ADCK5: variants seen among roughly 807,000 people sequenced by gnomAD.
ADCK5 encodes uncharacterized aarF domain-containing protein kinase 5.
A neutral mutation model predicts 64.9 loss-of-function variants in ADCK5; 43 were observed. That is an observed-to-expected ratio of 0.66 (90% CI 0.52 to 0.85). ADCK5 has a LOEUF of 0.85. Ranked by LOEUF, ADCK5 falls within the 40% of genes least tolerant of loss-of-function variation. The probability of loss-of-function intolerance (pLI) is 0.00; values close to 1 mark genes in which losing one functional copy is unlikely to be tolerated. For missense variants in ADCK5, 760 were observed against 810.5 expected, an observed-to-expected ratio of 0.94 and a Z score of 0.76; for synonymous variants, 434 against 342.8, an observed-to-expected ratio of 1.27 and a Z score of -2.94.
chr8:144,383,945 T>C (rs1238901810), intron 3 of ADCK5, among the ~76,000 whole-genome samples: 2 of 134,850 alleles, frequency 1.5e-5, no homozygotes, highest in African/African-American at 5.6e-5. Context: ...CAGGCTGGAG[T>C]GCAGTGGCGC....
chr8:144,392,779 T>G lies in ADCK5; in HGVS notation c.1524T>G (p.Ala508=). The change falls in exon 14 of 15, where the codon GCT becomes GCG. Residue 508 remains alanine (A), a synonymous_variant. Coordinates refer to ENST00000308860, the MANE Select transcript of ADCK5 (RefSeq NM_174922.5). ...VDRYFLMAKR[A]VRGWSRLAGA... is the part of the protein sequence containing the mutation. The stretch of plus-strand genomic sequence containing the variant: ...GCGCTAACGCGGGTGTGTGCAGGGC[T>G]GTCCGGGGCTGGAGCCGCCTGGCGG... 1.9e-6 allele frequency: 3 copies of G among 1,592,658 alleles called. No homozygotes were observed. Among genetic ancestry groups the G allele is most frequent in the Non-Finnish European group, 2.6e-6 (3 of 1,173,548 alleles).
chr8:144,381,607 C>A (rs1366107508), intron 2 of ADCK5, among the ~76,000 whole-genome samples: 31 of 56,662 alleles, frequency 5.5e-4, no homozygotes, highest in East Asian at 1.7e-3. Flanking sequence ...CAGATGTGTG[C>A]TCAGGCACCT....
intron 10 of ADCK5, 35 bp downstream of exon 10, chr8:144,392,057 T>C: frequency 6.2e-7 from 1 of 1,611,634 alleles, no homozygotes; most frequent in Non-Finnish European, 8.5e-7. Context: ...GGTCTCAGGG[T>C]GGGCGCAGCG....
Position 144,392,765 on chromosome 8 carries a change from G to A in ADCK5, c.1521-11G>A. The A allele has an allele frequency of 6.3e-7, 1 of 1,587,146 alleles. No individual in the cohort carries two copies. The highest frequency in any genetic ancestry group is 8.6e-7 in the Non-Finnish European group (1 of 1,168,628). On this transcript the variant is annotated splice_polypyrimidine_tract_variant and intron_variant, in intron 13 of 14. Coordinates refer to ENST00000308860, the MANE Select transcript of ADCK5 (RefSeq NM_174922.5). Reference sequence around the variant, plus strand: ...GTGGGGCTGACGCGGCGCTAACGCGGGTGTGTGCAGGGCTGTCCGGGGCTG... The same window carrying A: ...GTGGGGCTGACGCGGCGCTAACGCGAGTGTGTGCAGGGCTGTCCGGGGCTG...
intron 2 of ADCK5, among the ~76,000 whole-genome samples, chr8:144,382,615 G>A (rs1239783818): frequency 1.3e-5 from 2 of 152,238 alleles, no homozygotes; most frequent in African/African-American, 2.4e-5. Context: ...GGCAAGCTCT[G>A]TTTCTTGCTC....
rs781975682 is a variant in ADCK5, at chr8:144,391,647, C to T, written c.866C>T (p.Ala289Val). 26 of 1,550,306 alleles carry T rather than the reference C, an allele frequency of 1.7e-5. No individual in the cohort carries two copies. Among genetic ancestry groups the T allele is most frequent in the South Asian group, 1.2e-5 (1 of 84,872 alleles). ...ENEGRNAERC[A>V]RELAHFPYVV... ...GAGGGCCGCAACGCAGAGCGCTGTGCGCGGGAGCTGGCGCACTTCCCCTAC... is the reference window on the plus strand; with the variant it reads ...GAGGGCCGCAACGCAGAGCGCTGTGTGCGGGAGCTGGCGCACTTCCCCTAC... Residue 289 changes from alanine (A) to valine (V), a missense_variant, in exon 8 of 15, where the codon GCG (alanine) becomes GTG (valine). Around this residue, in one of 2 missense-constraint regions of ADCK5, gnomAD observed 427 missense variants for 518.4 expected, o/e 0.82. Transcript: ENST00000308860.
At chr8:144,378,222 T>C (rs1819451914) in intron 1 of ADCK5, among the ~76,000 whole-genome samples, 2 of 152,210 alleles carry the variant, frequency 1.3e-5, no homozygotes, top group African/African-American at 4.8e-5. Flanking sequence ...CCTGGCATGA[T>C]CCCAGCGGTG....
intron 3 of ADCK5, among the ~76,000 whole-genome samples, chr8:144,386,460 C>T (rs1461155412): frequency 1.3e-5 from 2 of 151,902 alleles, no homozygotes; most frequent in Admixed American, 1.3e-4. Context: ...CGGGTTCAAG[C>T]GATTCTCCTG....
upstream of ADCK5, chr8:144,373,814 C>G: frequency 2.8e-6 from 1 of 361,028 alleles, no homozygotes; most frequent in Non-Finnish European, 4.9e-6. Context: ...CGGCAGGTGC[C>G]TGCCCGGGGA....
chr8:144,379,806 A>G (rs1017081718), intron 2 of ADCK5, among the ~76,000 whole-genome samples: 1 of 152,162 alleles, frequency 6.6e-6, no homozygotes, highest in African/African-American at 2.4e-5. Context: ...GGGCGGGGTG[A>G]CTATAGGTGG....
intron 2 of ADCK5, among the ~76,000 whole-genome samples, chr8:144,382,214 T>A (rs9801979): frequency 9.0e-6 from 1 of 110,744 alleles, no homozygotes; most frequent in African/African-American, 3.3e-5. Context: ...AGGCACCTGC[T>A]GCACTAAGGA....
At chr8:144,391,321 G>C in intron 6 of ADCK5, 40 bp from the exon 7 acceptor site, 3 of 1,612,322 alleles carry the variant, frequency 1.9e-6, no homozygotes, top group Non-Finnish European at 2.5e-6. Flanking sequence ...GCGGGGCACA[G>C]TGGGGCCCCA....
At chr8:144,385,706 G>A (rs1819887593) in intron 3 of ADCK5, among the ~76,000 whole-genome samples, 1 of 151,672 alleles carries the variant, frequency 6.6e-6, no homozygotes, top group Non-Finnish European at 1.5e-5. Context: ...GCTCACGCCT[G>A]TAATCCCAGA....
At chr8:144,391,321 G>A (rs782157410) in intron 6 of ADCK5, 40 bp from the exon 7 acceptor site, 3 of 1,612,204 alleles carry the variant, frequency 1.9e-6, no homozygotes, top group South Asian at 2.2e-5. Flanking sequence ...GCGGGGCACA[G>A]TGGGGCCCCA....
upstream of ADCK5, among the ~76,000 whole-genome samples, chr8:144,373,550 G>A (rs1213567792): frequency 6.6e-6 from 1 of 152,208 alleles, no homozygotes; most frequent in African/African-American, 2.4e-5. Context: ...CCCTGGGAAG[G>A]TCTCCCCATG....
chr8:144,391,527 G>A (rs1554860600), intron 7 of ADCK5, 53 bp downstream of exon 7: 1 of 1,586,398 alleles, frequency 6.3e-7, no homozygotes. Flanking sequence ...AGGCAGAGCT[G>A]GTAGGAGCAG....
At chr8:144,374,313 C>T (rs1439207511) in intron 1 of ADCK5, among the ~76,000 whole-genome samples, 1 of 152,196 alleles carries the variant, frequency 6.6e-6, no homozygotes, top group Non-Finnish European at 1.5e-5. Context: ...TCAGGCGATC[C>T]TCCCGCCTCG....
chr8:144,373,996 G>A, upstream of ADCK5: 2 of 1,208,906 alleles, frequency 1.7e-6, no homozygotes, highest in Non-Finnish European at 2.1e-6. Context: ...GCGGGGCTCT[G>A]GCTCCGGCGC....
chr8:144,375,305 A>C (rs1409808331), intron 1 of ADCK5, among the ~76,000 whole-genome samples: 1 of 152,184 alleles, frequency 6.6e-6, no homozygotes, highest in African/African-American at 2.4e-5. Context: ...CCCTGGGAGA[A>C]GGACAGTGTC....
Sources: allele counts gnomAD v4.1 joint callset (sites outside exome capture counted in the v4.1 genomes callset), GRCh38; gene constraint gnomAD v4.1.1; regional missense constraint gnomAD v4.1.1; transcripts MANE v1.5; gene names NCBI Gene and HGNC (gene_info 2026-07-23, HGNC 2026-07-21).